Variants in FILIP1L observed in about 807,000 individuals in gnomAD.
The protein encoded by FILIP1L is filamin A interacting protein 1 like.
FILIP1L carries 55 observed loss-of-function variants against 96.6 expected under a neutral mutation model. That is an observed-to-expected ratio of 0.57 (90% CI 0.46 to 0.71). FILIP1L has a LOEUF of 0.71. FILIP1L is among the 30% of genes least tolerant of loss of function. FILIP1L has a pLI of 0.00. For missense variants in FILIP1L, 1,304 were observed against 1,321.2 expected, an observed-to-expected ratio of 0.99 and a Z score of 0.20; for synonymous variants, 467 against 473.9, an observed-to-expected ratio of 0.99 and a Z score of 0.19.
chr3:99,973,288 A>T (rs2107720897), intron 1 of FILIP1L, among the ~76,000 whole-genome samples: 1 of 152,322 alleles, frequency 6.6e-6, no homozygotes, highest in African/African-American at 2.4e-5. Flanking sequence ...TTAAATATTC[A>T]TTTGAGAATA....
At chr3:99,945,088 A>G (rs1707968557) in intron 1 of FILIP1L, among the ~76,000 whole-genome samples, 1 of 152,148 alleles carries the variant, frequency 6.6e-6, no homozygotes, top group African/African-American at 2.4e-5. Flanking sequence ...AGGAAAATAC[A>G]CAGAACAAGC....
At chr3:100,052,772 A>G (rs983002658) in intron 1 of FILIP1L, among the ~76,000 whole-genome samples, 2 of 152,194 alleles carry the variant, frequency 1.3e-5, no homozygotes, top group African/African-American at 4.8e-5. Flanking sequence ...TTGTTTGAGT[A>G]TATACTGTAT....
At chr3:100,078,155 T>A (rs1453411030) in intron 1 of FILIP1L, among the ~76,000 whole-genome samples, 3 of 151,980 alleles carry the variant, frequency 2.0e-5, no homozygotes, top group Admixed American at 6.6e-5. Context: ...ATCATATTGG[T>A]GCTAATATAT....
intron 1 of FILIP1L, among the ~76,000 whole-genome samples, chr3:99,996,193 T>TA (rs1314157937): frequency 6.6e-6 from 1 of 152,126 alleles, no homozygotes; most frequent in Non-Finnish European, 1.5e-5. Flanking sequence ...TTCCACCAGA[T>TA]ACCCTAAATC....
intron 1 of FILIP1L, among the ~76,000 whole-genome samples, chr3:99,968,216 G>T (rs146234198): frequency 2.0e-3 from 303 of 152,292 alleles, no homozygotes; most frequent in African/African-American, 6.8e-3. Context: ...GGGAATTCCA[G>T]GCTGGGAGAG....
Position 99,830,430 on chromosome 3 carries a change from A to AC in FILIP1L, c.3556dup (p.Val1186GlyfsTer25). On this transcript the variant is annotated frameshift_variant, in exon 6 of 6. Coordinates refer to ENST00000477258, the MANE Select transcript of FILIP1L (RefSeq NM_001387850.1). LOFTEE classifies it high-confidence loss of function. ...TGGTATGAGTTACCTTCTCCCTCCC[A>AC]CGTGGAGGAAGGTGTTGGAGGTGAC... The AC allele has an allele frequency of 2.2e-6, 1 of 450,370 alleles. No individual in the cohort carries two copies. Among genetic ancestry groups the AC allele is most frequent in the Non-Finnish European group, 4.5e-6 (1 of 222,724 alleles). 27.9% of individuals were successfully genotyped at this position (450,370 alleles called of 1,614,324 possible).
chr3:99,860,404 C>A (rs1159754017), intron 4 of FILIP1L, among the ~76,000 whole-genome samples: 2 of 152,080 alleles, frequency 1.3e-5, no homozygotes, highest in Non-Finnish European at 2.9e-5. Flanking sequence ...AATCAGGATT[C>A]TAAAAAGCGG....
At chr3:99,878,507 T>C (rs1576542319) in intron 4 of FILIP1L, among the ~76,000 whole-genome samples, 1 of 152,216 alleles carries the variant, frequency 6.6e-6, no homozygotes, top group Non-Finnish European at 1.5e-5. Context: ...TAGTCTTGTC[T>C]TCTCCTAATA....
chr3:99,870,327 T>A (rs1263048410), intron 4 of FILIP1L, among the ~76,000 whole-genome samples: 1 of 152,240 alleles, frequency 6.6e-6, no homozygotes, highest in Admixed American at 6.5e-5. Context: ...TCCCTGTCAA[T>A]TCAGTGTCAC....
chr3:99,954,395 G>A (rs1480037148), intron 1 of FILIP1L, among the ~76,000 whole-genome samples: 2 of 152,134 alleles, frequency 1.3e-5, no homozygotes, highest in Non-Finnish European at 2.9e-5. Context: ...TATCATAATG[G>A]CTCCCAGTTT....
At chr3:100,006,488 T>C (rs189241293) in intron 1 of FILIP1L, among the ~76,000 whole-genome samples, 1 of 152,246 alleles carries the variant, frequency 6.6e-6, no homozygotes, top group African/African-American at 2.4e-5. Context: ...TCATCTATAA[T>C]TTTCTGCCCC....
In FILIP1L at chr3:100,041,949, G is replaced by A. The variant is rs549818627; in HGVS notation, c.-11+72104C>T. ...AGGCACAGGCTGCACCTCAGGAACA[G>A]TGAGAACAGGGACCATTGCCATTCC... is the stretch of plus-strand genomic sequence containing the variant. On this transcript the variant is annotated intron_variant, in intron 1 of 5. Transcript: ENST00000477258. Among the ~76,000 whole-genome samples the A allele has an allele frequency of 4.2e-4, 64 of 152,316 alleles. 2 individuals carry two copies. The highest frequency in any genetic ancestry group is 3.9e-3 in the South Asian group (19 of 4,826).
In FILIP1L at chr3:100,052,404, G is replaced by A. The variant is rs558546543; in HGVS notation, c.-11+61649C>T. Among the ~76,000 whole-genome samples the A allele has an allele frequency of 4.2e-4, 64 of 152,324 alleles. 3 individuals are homozygous for A. The South Asian group carries it at 0.013, about 31-fold the overall frequency. ...TTGTTCCAAGGTCTGAGGGGTAGTA[G>A]TGGTGGTGATGGTAGTGGTGTATCC... On this transcript the variant is annotated intron_variant, in intron 1 of 5. Transcript: ENST00000477258.
chr3:99,852,603 G>C (rs139008650), intron 4 of FILIP1L, among the ~76,000 whole-genome samples: 1 of 151,814 alleles, frequency 6.6e-6, no homozygotes, highest in African/African-American at 2.4e-5. Flanking sequence ...GCACCACCAC[G>C]CCCAGCTAAT....
chr3:99,896,504 A>T (rs1706257772), intron 4 of FILIP1L, among the ~76,000 whole-genome samples: 1 of 152,202 alleles, frequency 6.6e-6, no homozygotes, highest in African/African-American at 2.4e-5. Context: ...CTTCATACAG[A>T]GTCCTTTGAG....
chr3:100,096,833 G>A (rs1248250586), intron 1 of FILIP1L, among the ~76,000 whole-genome samples: 1 of 152,032 alleles, frequency 6.6e-6, no homozygotes, highest in Non-Finnish European at 1.5e-5. Context: ...CCCATGATGT[G>A]ATTATTATAC....
chr3:99,991,985 TATATATAC>T (rs1217591523), intron 1 of FILIP1L, among the ~76,000 whole-genome samples: 19 of 150,338 alleles, frequency 1.3e-4, no homozygotes, highest in African/African-American at 4.6e-4. Flanking sequence ...CATATATGTG[TATATATAC>T]GTATATATAT....
chr3:100,001,017 A>C (rs149166784), intron 1 of FILIP1L, among the ~76,000 whole-genome samples: 1 of 152,176 alleles, frequency 6.6e-6, no homozygotes, highest in Non-Finnish European at 1.5e-5. Flanking sequence ...AAACTGTTCA[A>C]TTCCCTTTGA....
intron 1 of FILIP1L, among the ~76,000 whole-genome samples, chr3:100,109,229 T>A (rs969472659): frequency 1.5e-4 from 23 of 152,006 alleles, no homozygotes; most frequent in Non-Finnish European, 2.2e-4. Context: ...TAAAAAAAAA[T>A]TTTTCAATGA....
Sources: gnomAD v4.1 joint callset for allele counts (sites outside exome capture counted in the v4.1 genomes callset) on GRCh38, gnomAD v4.1.1 for gene constraint, MANE v1.5 for transcripts, NCBI Gene and HGNC (gene_info 2026-07-23, HGNC 2026-07-21) for gene names.